The following NUP98 variants were observed in gnomAD, a reference collection of about 807,000 sequenced individuals.
NUP98 encodes the protein nucleoporin 98 and 96 precursor, also known as nuclear pore complex protein Nup98-Nup96.
Under a neutral mutation model 191.9 loss-of-function variants are expected in NUP98, and 26 were observed. That is an observed-to-expected ratio of 0.14 (90% CI 0.10 to 0.19). The LOEUF (loss-of-function observed/expected upper bound fraction) is 0.19, where lower values mean the gene tolerates loss of function less well. Among genes scored for constraint, NUP98 ranks in the 10% least tolerant of loss-of-function variants. The probability of loss-of-function intolerance (pLI) is 1.00; values close to 1 mark genes in which losing one functional copy is unlikely to be tolerated. For synonymous variants in NUP98, 808 were observed against 778.4 expected, an observed-to-expected ratio of 1.04 and a Z score of -0.63; for missense variants, 1,941 against 2,178.8, an observed-to-expected ratio of 0.89 and a Z score of 2.17.
chr11:3,781,058 C>T (rs2081951000), intron 2 of NUP98, among the ~76,000 whole-genome samples: 1 of 151,736 alleles, frequency 6.6e-6, no homozygotes, highest in Admixed American at 6.6e-5. Context: ...TGGTGGTGTG[C>T]AACTGTGGTC....
chr11:3,752,085 A>C (rs937937095), intron 11 of NUP98, among the ~76,000 whole-genome samples: 3 of 151,490 alleles, frequency 2.0e-5, no homozygotes, highest in Admixed American at 2.0e-4. Flanking sequence ...TGGAGGTTGC[A>C]GTGAGCCGAG....
intron 11 of NUP98, among the ~76,000 whole-genome samples, chr11:3,747,063 T>C (rs1253605301): frequency 6.6e-6 from 1 of 152,316 alleles, no homozygotes; most frequent in South Asian, 2.1e-4. Flanking sequence ...TTATGTTTAA[T>C]GAAAGAAGTA....
At chr11:3,784,928 G>A (rs895912896) in intron 1 of NUP98, among the ~76,000 whole-genome samples, 3 of 152,168 alleles carry the variant, frequency 2.0e-5, no homozygotes, top group East Asian at 1.9e-4. Context: ...CCTGAGACCA[G>A]GAGTTCGAGA....
chr11:3,751,190 C>A (rs557361252), intron 11 of NUP98, among the ~76,000 whole-genome samples: 1 of 152,116 alleles, frequency 6.6e-6, no homozygotes, highest in African/African-American at 2.4e-5. Flanking sequence ...GAAACCCCGT[C>A]TCTCCTAAAA....
chr11:3,694,429 A>G (rs1273321053), intron 26 of NUP98, among the ~76,000 whole-genome samples: 1 of 145,496 alleles, frequency 6.9e-6, no homozygotes, highest in Non-Finnish European at 1.5e-5. Flanking sequence ...ATTCACATAC[A>G]GTAGGTTTAA....
At chr11:3,781,909 T>G in intron 2 of NUP98, 133 bp downstream of exon 2, 1 of 538,286 alleles carries the variant, frequency 1.9e-6, no homozygotes, top group Non-Finnish European at 3.3e-6. Flanking sequence ...TTATCCTAAT[T>G]ATTTTTTCAA....
intron 1 of NUP98, among the ~76,000 whole-genome samples, chr11:3,788,902 G>A (rs1448430871): frequency 1.3e-5 from 2 of 152,048 alleles, no homozygotes; most frequent in African/African-American, 2.4e-5. Context: ...AGCCGAGATC[G>A]TGCCACTGCA....
Position 3,713,908 on chromosome 11 carries a change from G to A in NUP98, c.2487C>T (p.Ile829=), listed in dbSNP as rs2079095039. The part of the protein sequence containing the change: ...LIKSPDRLAD[I]NYEGRLEAVS... ...CTGCTTCCAATCTTCCTTCATAGTT[G>A]ATATCAGCAAGGCGATCTGGGCTCT... Residue 829 remains isoleucine (I), a synonymous_variant, in exon 19 of 33, where the codon ATC becomes ATT. Transcript: ENST00000324932. The A allele has an allele frequency of 1.9e-6, 3 of 1,613,930 alleles. No individual in the cohort carries two copies. The highest frequency in any genetic ancestry group is 2.2e-5 in the South Asian group (2 of 91,080).
At chr11:3,683,142 G>A in intron 30 of NUP98, 58 bp downstream of exon 30, 1 of 1,604,846 alleles carries the variant, frequency 6.2e-7, no homozygotes, top group Non-Finnish European at 8.5e-7. Context: ...CCATCATGGA[G>A]GTTCAGAGGT....
intron 20 of NUP98, among the ~76,000 whole-genome samples, chr11:3,707,194 C>T (rs1171757009): frequency 6.6e-6 from 1 of 152,128 alleles, no homozygotes; most frequent in Non-Finnish European, 1.5e-5. Context: ...GCACTATCTA[C>T]TCTTCCAAAA....
chr11:3,715,744 A>G (rs1448822201), intron 18 of NUP98, among the ~76,000 whole-genome samples: 2 of 152,050 alleles, frequency 1.3e-5, no homozygotes, highest in Non-Finnish European at 2.9e-5. Context: ...CAGCCTCCTG[A>G]GCAGCTAGGA....
At chr11:3,797,072 C>T (rs1248816109) in intron 1 of NUP98, among the ~76,000 whole-genome samples, 2 of 152,212 alleles carry the variant, frequency 1.3e-5, no homozygotes, top group Non-Finnish European at 2.9e-5. Context: ...AAGGCGCTGA[C>T]CCCGGAAAGG....
chr11:3,788,144 C>G (rs1455718265), intron 1 of NUP98, among the ~76,000 whole-genome samples: 1 of 152,152 alleles, frequency 6.6e-6, no homozygotes, highest in Non-Finnish European at 1.5e-5. Context: ...AAAAAAATGT[C>G]TTGACTTTGC....
At chr11:3,704,265 GTC>G (rs961441535) in intron 22 of NUP98, among the ~76,000 whole-genome samples, 1 of 152,170 alleles carries the variant, frequency 6.6e-6, no homozygotes, top group Non-Finnish European at 1.5e-5. Context: ...ATAAACAAAT[GTC>G]TCTCTGCCAG....
chr11:3,763,543 G>A (rs953145197), intron 8 of NUP98, among the ~76,000 whole-genome samples: 6 of 152,152 alleles, frequency 3.9e-5, no homozygotes, highest in Admixed American at 6.6e-5. Flanking sequence ...CGAGGTACGA[G>A]TGTTATGTTA....
Position 3,782,054 on chromosome 11 carries a change from T to C in NUP98, c.64A>G (p.Thr22Ala), listed in dbSNP as rs745769595. ...TTTAAAAACTTACTCTGTCCAAATG[T>C]TGAAGTTGTGCCAAAGCCACCTGTG... The part of the protein sequence containing the change: ...GGTGGFGTTS[T>A]FGQNTGFGTT... Residue 22 changes from threonine (T) to alanine (A), a missense_variant, in exon 2 of 33, where the codon ACA becomes GCA. Physicochemically the swap from Thr to Ala is moderately conservative, Grantham distance 58. This residue lies in a region of NUP98 where 154 missense variants were observed against 182.9 expected (regional missense o/e 0.84). Transcript: ENST00000324932. 18 of 1,612,574 alleles carry C rather than the reference T, an allele frequency of 1.1e-5. No individual in the cohort carries two copies. The highest frequency in any genetic ancestry group is 3.3e-5 in the South Asian group (3 of 90,906).
At chr11:3,716,510 G>A (rs985707558) in intron 18 of NUP98, among the ~76,000 whole-genome samples, 11 of 151,702 alleles carry the variant, frequency 7.3e-5, no homozygotes, top group Non-Finnish European at 1.3e-4. Flanking sequence ...GTTTGAGACC[G>A]GCTGGGCAGG....
chr11:3,685,216 G>A (rs4575303), intron 29 of NUP98, among the ~76,000 whole-genome samples: 116,107 of 151,850 alleles, frequency 0.76, 44,964 homozygotes, highest in Admixed American at 0.88. Flanking sequence ...AAAAATCTCC[G>A]GCCTTATCTT....
chr11:3,735,114 A>T, intron 13 of NUP98, 77 bp downstream of exon 13: 1 of 1,367,454 alleles, frequency 7.3e-7, no homozygotes, highest in Non-Finnish European at 9.6e-7. Flanking sequence ...TAATATATAC[A>T]GGCAAAAAAT....
Sources: gnomAD v4.1 joint callset for allele counts (sites outside exome capture counted in the v4.1 genomes callset) on GRCh38, gnomAD v4.1.1 for gene constraint, gnomAD v4.1.1 regional missense constraint, MANE v1.5 for transcripts, NCBI Gene and HGNC (gene_info 2026-07-23, HGNC 2026-07-21) for gene names.